PCDHGB7: variants seen among roughly 807,000 people sequenced by gnomAD.
PCDHGB7 encodes the protein protocadherin gamma subfamily B, 7, also known as protocadherin gamma-B7.
In PCDHGB7, 37 loss-of-function variants were observed where a neutral mutation model predicts 61.4. That is an observed-to-expected ratio of 0.60 (90% CI 0.46 to 0.79). PCDHGB7 has a LOEUF of 0.79. Among genes scored for constraint, PCDHGB7 ranks in the 30% least tolerant of loss-of-function variants. The pLI, the probability that PCDHGB7 is intolerant of heterozygous loss-of-function variation, is 0.00. For synonymous variants in PCDHGB7, 464 were observed against 503.5 expected, an observed-to-expected ratio of 0.92 and a Z score of 1.05; for missense variants, 1,166 against 1,202.5, an observed-to-expected ratio of 0.97 and a Z score of 0.45.
At chr5:141,464,189 C>T (rs1215955823) in intron 1 of PCDHGB7, among the ~76,000 whole-genome samples, 1 of 150,620 alleles carries the variant, frequency 6.6e-6, no homozygotes, top group Non-Finnish European at 1.5e-5. Context: ...TGCTTGATTT[C>T]AGGAGGCGGA....
At chr5:141,437,878 C>A (rs1047761465) in intron 1 of PCDHGB7, among the ~76,000 whole-genome samples, 13 of 151,996 alleles carry the variant, frequency 8.6e-5, no homozygotes, top group Non-Finnish European at 1.5e-4. Flanking sequence ...GCTGGGACTA[C>A]AGGCACACGC....
At position 141,470,736 on chromosome 5, in the gene PCDHGB7, C is replaced by T. The variant is rs541510544; in HGVS notation, c.2416-24071C>T. ...TTTTTGAGTCAGGGTCTTGCTCTGT[C>T]GCCCTGGCTGGAGTGCAGTGGACTC... On this transcript the variant is annotated intron_variant, in intron 1 of 3. Coordinates refer to ENST00000398594, the MANE Select transcript of PCDHGB7 (RefSeq NM_018927.4). Among the ~76,000 whole-genome samples, 104 of 152,208 alleles carry T rather than the reference C, an allele frequency of 6.8e-4. 2 individuals carry two copies. Among genetic ancestry groups the T allele is most frequent in the African/African-American group, 2.4e-3 (98 of 41,522 alleles).
chr5:141,476,926 T>G lies in PCDHGB7; in HGVS notation c.2416-17881T>G, dbSNP rs779017502. ...GCGTGGTACAAGTCCTTGCAACGGA[T>G]CTGGATGAAGGCCCCAACGGTGAAA... is the stretch of plus-strand genomic sequence containing the variant. On this transcript the variant is annotated intron_variant, in intron 1 of 3. Coordinates refer to ENST00000398594, the MANE Select transcript of PCDHGB7 (RefSeq NM_018927.4). The surrounding 1 kb of genome is among the most constrained non-coding windows in gnomAD (Gnocchi z 7.6). 1 of 1,614,072 alleles carries G rather than the reference T, an allele frequency of 6.2e-7. No homozygotes were observed. The highest frequency in any genetic ancestry group is 1.1e-5 in the South Asian group (1 of 91,092).
intron 1 of PCDHGB7, among the ~76,000 whole-genome samples, chr5:141,467,055 C>CTTTTTTTTTTTTTTTTTTT (rs1193465269): frequency 7.4e-6 from 1 of 134,498 alleles, no homozygotes; most frequent in Non-Finnish European, 1.6e-5. Context: ...TCAATGTTTT[C>CTTTTTTTTTTTTTTTTTTT]TTTTTTTTTT....
chr5:141,476,766 T>C lies in PCDHGB7; in HGVS notation c.2416-18041T>C. ...AGTCTCCAGTTAGTGCTGACGGCGT[T>C]GGACGGAGGGACCCCAGCTCTCTCC... On this transcript the variant is annotated intron_variant, in intron 1 of 3. Coordinates refer to ENST00000398594, the MANE Select transcript of PCDHGB7 (RefSeq NM_018927.4). This position sits in a 1 kb window ranked among gnomAD's most constrained non-coding sequence, Gnocchi z 7.6. The C allele has an allele frequency of 1.9e-6, 3 of 1,613,626 alleles. No individual in the cohort carries two copies. The highest frequency in any genetic ancestry group is 2.5e-6 in the Non-Finnish European group (3 of 1,179,952).
In PCDHGB7 at chr5:141,491,958, A is replaced by C; in HGVS notation, c.2416-2849A>C. The C allele has an allele frequency of 2.0e-6, 2 of 999,758 alleles. No homozygotes were observed. Among genetic ancestry groups the C allele is most frequent in the Non-Finnish European group, 2.8e-6 (2 of 718,534 alleles). The allele number at this position is 999,758 out of a possible 1,614,324, so 61.9% of individuals were successfully genotyped here. The stretch of plus-strand genomic sequence containing the variant: ...ACCGACCCCCACCCCTACACTCAAA[A>C]AAGGCCGGGGCCTCCTTCGAGCTTC... On this transcript the variant is annotated intron_variant, in intron 1 of 3. Coordinates refer to ENST00000398594, the MANE Select transcript of PCDHGB7 (RefSeq NM_018927.4). The surrounding 1 kb of genome is among the most constrained non-coding windows in gnomAD (Gnocchi z 6.9).
chr5:141,447,225 C>T (rs966197293), intron 1 of PCDHGB7, among the ~76,000 whole-genome samples: 9 of 151,960 alleles, frequency 5.9e-5, no homozygotes, highest in African/African-American at 7.3e-5. Flanking sequence ...CTGCAACCTC[C>T]GCCTCCCGGG....
intron 1 of PCDHGB7, among the ~76,000 whole-genome samples, chr5:141,438,149 A>G (rs1441404688): frequency 6.6e-6 from 1 of 152,220 alleles, no homozygotes; most frequent in African/African-American, 2.4e-5. Context: ...TAGCCAGCCT[A>G]TGGCAAAGCT....
intron 1 of PCDHGB7, chr5:141,492,003 T>G: frequency 1.6e-6 from 1 of 626,972 alleles, no homozygotes; most frequent in Non-Finnish European, 2.6e-6. Context: ...TCGGGCGATT[T>G]CCGCGGGTGT....
In PCDHGB7 at chr5:141,489,958, C is replaced by T; in HGVS notation, c.2416-4849C>T. 1 of 1,614,202 alleles carries T rather than the reference C, an allele frequency of 6.2e-7. No individual in the cohort carries two copies. The highest frequency in any genetic ancestry group is 8.5e-7 in the Non-Finnish European group (1 of 1,180,016). On this transcript the variant is annotated intron_variant, in intron 1 of 3. Transcript: ENST00000398594. This position sits in a 1 kb window ranked among gnomAD's most constrained non-coding sequence, Gnocchi z 4.5. ...CGTGCTGGACATCAATGATAATGCT[C>T]CAACCTTCCAATCCTCAGTTCTACG... is the stretch of plus-strand genomic sequence containing the variant.
At chr5:141,455,506 G>T (rs1307993951) in intron 1 of PCDHGB7, among the ~76,000 whole-genome samples, 1 of 152,152 alleles carries the variant, frequency 6.6e-6, no homozygotes, top group African/African-American at 2.4e-5. Flanking sequence ...ATTTGCATAG[G>T]GCTCAGGGGA....
rs193229261 is a variant in PCDHGB7, at chr5:141,446,714, G to A, written c.2415+26440G>A. ...GCTGGTCTCGAACTCTGATCTGCCCGCCTCGGCCTCCCAAAGTGTGGGGAT... is the reference window on the plus strand; with the variant it reads ...GCTGGTCTCGAACTCTGATCTGCCCACCTCGGCCTCCCAAAGTGTGGGGAT... On this transcript the variant is annotated intron_variant, in intron 1 of 3. Transcript: ENST00000398594. Among the ~76,000 whole-genome samples the A allele has an allele frequency of 3.3e-3, 497 of 152,154 alleles. 2 individuals are homozygous for A. Among genetic ancestry groups the A allele is most frequent in the African/African-American group, 0.011 (450 of 41,528 alleles).
At chr5:141,495,175 C>T (rs1337353259) in intron 2 of PCDHGB7, among the ~76,000 whole-genome samples, 1 of 152,182 alleles carries the variant, frequency 6.6e-6, no homozygotes, top group Admixed American at 6.5e-5. Context: ...TGGGTGAAAG[C>T]GAGGCTTTCT....
At chr5:141,448,220 G>A (rs750470070) in intron 1 of PCDHGB7, among the ~76,000 whole-genome samples, 9 of 152,148 alleles carry the variant, frequency 5.9e-5, no homozygotes, top group Non-Finnish European at 1.0e-4. Flanking sequence ...GTATGCGAAT[G>A]TATGTGTGGG....
intron 1 of PCDHGB7, among the ~76,000 whole-genome samples, chr5:141,475,504 T>C (rs1202550150): frequency 1.3e-5 from 2 of 152,254 alleles, no homozygotes; most frequent in Non-Finnish European, 2.9e-5. Flanking sequence ...AAATTATTAA[T>C]GTCTCCACGG....
Position 141,477,865 on chromosome 5 carries a change from T to A in PCDHGB7, c.2416-16942T>A, listed in dbSNP as rs1380570615. On this transcript the variant is annotated intron_variant, in intron 1 of 3. Transcript: ENST00000398594. This position sits in a 1 kb window ranked among gnomAD's most constrained non-coding sequence, Gnocchi z 4.9. ...GCTCGGTGGAGATGCTGCCTCGAGG[T>A]ACCTCAGCTGGCCACCTAGTGTCAC... 6.2e-7 allele frequency: 1 copy of A among 1,612,698 alleles called. No individual in the cohort carries two copies. Among genetic ancestry groups the A allele is most frequent in the Non-Finnish European group, 8.5e-7 (1 of 1,179,562 alleles).
At position 141,476,666 on chromosome 5, in the gene PCDHGB7, G is replaced by A. The variant is rs2099395856; in HGVS notation, c.2416-18141G>A. On this transcript the variant is annotated intron_variant, in intron 1 of 3. Coordinates refer to ENST00000398594, the MANE Select transcript of PCDHGB7 (RefSeq NM_018927.4). The surrounding 1 kb of genome is among the most constrained non-coding windows in gnomAD (Gnocchi z 7.6). The stretch of plus-strand genomic sequence containing the variant: ...CCGAAATGAATACTTTGCGCTTCGC[G>A]TGCAGACGCGGGAGGACAGCACCAA... 6.2e-7 allele frequency: 1 copy of A among 1,614,128 alleles called. No individual in the cohort carries two copies.
rs1390739125 is a variant in PCDHGB7 at position 141,490,094 on chromosome 5, C to T, written c.2416-4713C>T. ...CTAGACTATTCTTTTGGAGACCACA[C>T]ATCTGAGGCAGTGCGGAACCTCTTT... On this transcript the variant is annotated intron_variant, in intron 1 of 3. Coordinates refer to ENST00000398594, the MANE Select transcript of PCDHGB7 (RefSeq NM_018927.4). This position sits in a 1 kb window ranked among gnomAD's most constrained non-coding sequence, Gnocchi z 5.4. 1 of 1,614,250 alleles carries T rather than the reference C, an allele frequency of 6.2e-7. No individual in the cohort carries two copies. The highest frequency in any genetic ancestry group is 2.2e-5 in the East Asian group (1 of 44,888).
At chr5:141,433,237 A>G in intron 1 of PCDHGB7, 1 of 1,495,940 alleles carries the variant, frequency 6.7e-7, no homozygotes, top group South Asian at 1.3e-5. Flanking sequence ...TCTGTCTCCC[A>G]AGCTGGAATG....
Sources: allele counts gnomAD v4.1 joint callset (sites outside exome capture counted in the v4.1 genomes callset), GRCh38; gene constraint gnomAD v4.1.1; non-coding constraint Gnocchi (gnomAD v3.1); transcripts MANE v1.5; gene names NCBI Gene and HGNC (gene_info 2026-07-23, HGNC 2026-07-21).